SEC31A: variants seen among roughly 807,000 people sequenced by gnomAD.
The protein encoded by SEC31A is protein transport protein Sec31A.
SEC31A carries 70 observed loss-of-function variants against 151.0 expected under a neutral mutation model. The observed-to-expected ratio is 0.46, with a 90% CI of 0.38 to 0.57. The LOEUF (loss-of-function observed/expected upper bound fraction) is 0.57. SEC31A is among the 20% of genes least tolerant of loss of function. SEC31A has a pLI of 0.00. For synonymous variants in SEC31A, 475 were observed against 505.9 expected (o/e 0.94, Z 0.82); for missense variants, 1,330 against 1,471.2 (o/e 0.90, Z 1.57).
intron 17 of SEC31A, among the ~76,000 whole-genome samples, chr4:82,853,994 TGAACAAAAAAACCCTAAAGGC>T (rs1387360087): frequency 6.6e-6 from 1 of 152,156 alleles, no homozygotes; most frequent in Non-Finnish European, 1.5e-5. Flanking sequence ...GAACAACATT[TGAACAAAAAAACCCTAAAGGC>T]ACATTTGGAA....
chr4:82,893,444 C>CA, upstream of SEC31A: 1 of 152,298 alleles, frequency 6.6e-6, no homozygotes, highest in South Asian at 2.1e-4. Context: ...AAGTTGTAGA[C>CA]AAAACAATCA....
At chr4:82,819,328 A>T in intron 26 of SEC31A, 75 bp from the exon 27 acceptor site, 1 of 1,061,924 alleles carries the variant, frequency 9.4e-7, no homozygotes, top group Non-Finnish European at 1.3e-6. Flanking sequence ...TAAACATTAA[A>T]CCCAGATATT....
chr4:82,877,976 G>A (rs1738398249), intron 4 of SEC31A: 2 of 152,062 alleles, frequency 1.3e-5, no homozygotes, highest in South Asian at 2.1e-4. Flanking sequence ...ACAGGTGTGA[G>A]CCACATGCCC....
chr4:82,830,888 T>A, intron 22 of SEC31A: 1 of 827,006 alleles, frequency 1.2e-6, no homozygotes, highest in Non-Finnish European at 1.6e-6. Context: ...TCATTAATTG[T>A]ATTCAATTAT....
At chr4:82,834,816 T>TA (rs1217468278) in intron 22 of SEC31A, among the ~76,000 whole-genome samples, 3 of 152,008 alleles carry the variant, frequency 2.0e-5, no homozygotes, top group African/African-American at 4.8e-5. Context: ...GTGACTTTTT[T>TA]AAAAAAAACT....
chr4:82,893,566 ATTTATTTCACAAATTTG>A (rs1256933571), upstream of SEC31A: 2 of 152,216 alleles, frequency 1.3e-5, no homozygotes, highest in Admixed American at 1.3e-4. Flanking sequence ...TTCTGAATGC[ATTTATTTCACAAATTTG>A]TTTAAGGGCT....
chr4:82,865,374 A>G (rs574236293), intron 10 of SEC31A, among the ~76,000 whole-genome samples: 1 of 152,252 alleles, frequency 6.6e-6, no homozygotes, highest in Admixed American at 6.5e-5. Context: ...GAACCATCCT[A>G]TGATCCAGCA....
rs749520991 is a variant in SEC31A, at chr4:82,872,096, G to C, written c.640-10C>G. On this transcript the variant is annotated splice_polypyrimidine_tract_variant and intron_variant, in intron 6 of 26. Transcript: ENST00000395310. ...ACCCAGAACAATGCATCTGAAGATA[G>C]TTAAGGTTCACATTTTATGAATCAA... 1 of 1,603,408 alleles carries C rather than the reference G, an allele frequency of 6.2e-7. No individual in the cohort carries two copies. The highest frequency in any genetic ancestry group is 2.2e-5 in the East Asian group (1 of 44,804).
rs201566233 is a variant in SEC31A, at chr4:82,888,773, T to C, written c.-5+2315A>G. On this transcript the variant is annotated intron_variant, in intron 1 of 26. Transcript: ENST00000395310. ...TCTTTATTTTTCATGCAACTTTCTC[T>C]CAATAATTGCATTCAATTAGGTGGA... Among the ~76,000 whole-genome samples, 19 of 152,306 alleles carry C rather than the reference T, an allele frequency of 1.2e-4. No individual in the cohort carries two copies. The East Asian group carries it at 2.7e-3, about 22-fold the overall frequency.
At chr4:82,865,983 T>G (rs1364961597) in intron 10 of SEC31A, among the ~76,000 whole-genome samples, 1 of 151,698 alleles carries the variant, frequency 6.6e-6, no homozygotes, top group Non-Finnish European at 1.5e-5. Context: ...AAATTTTATA[T>G]TATGCATTTT....
chr4:82,828,813 G>A (rs1725242919), intron 23 of SEC31A, among the ~76,000 whole-genome samples, 187 bp downstream of exon 23: 1 of 151,296 alleles, frequency 6.6e-6, no homozygotes, highest in African/African-American at 2.4e-5. Flanking sequence ...ACAAGGTTTT[G>A]ATGATACTGT....
intron 4 of SEC31A, chr4:82,877,435 G>A (rs898095188): frequency 6.6e-6 from 1 of 150,644 alleles, no homozygotes; most frequent in Non-Finnish European, 1.5e-5. Flanking sequence ...TTGCAGTGCA[G>A]TGGTGTGATC....
intron 1 of SEC31A, among the ~76,000 whole-genome samples, chr4:82,886,978 G>GA (rs1560673675): frequency 6.6e-6 from 1 of 151,990 alleles, no homozygotes; most frequent in East Asian, 1.9e-4. Flanking sequence ...AGAAAGTTTT[G>GA]ATTTATTTTA....
chr4:82,870,384 A>T lies in SEC31A; in HGVS notation c.823T>A (p.Leu275Met), dbSNP rs1162677598. The change falls in exon 8 of 27, where the codon TTG becomes ATG. Residue 275 changes from leucine to methionine, a missense_variant. Coordinates refer to ENST00000395310, the MANE Select transcript of SEC31A (RefSeq NM_001077207.4). ...AIAWSMADPE[L>M]LLSCGKDAKI... ...GCATCTTTTCCACAGCTCAGTAACA[A>T]TTCAGGATCTGCCATGCTCCAAGCA... 2 of 1,613,918 alleles carry T rather than the reference A, an allele frequency of 1.2e-6. No individual in the cohort carries two copies. Among genetic ancestry groups the T allele is most frequent in the East Asian group, 4.5e-5 (2 of 44,890 alleles).
chr4:82,858,798 G>A (rs900430149), intron 14 of SEC31A, among the ~76,000 whole-genome samples: 3 of 151,510 alleles, frequency 2.0e-5, no homozygotes, highest in Non-Finnish European at 2.9e-5. Context: ...TGCCTCCTGG[G>A]TTCACGCCAT....
At chr4:82,849,072 C>G in intron 19 of SEC31A, 95 bp from the exon 20 acceptor site, 1 of 1,149,422 alleles carries the variant, frequency 8.7e-7, no homozygotes, top group Non-Finnish European at 1.3e-6. Context: ...ATCAAGATAT[C>G]CCTTTTTGTT....
rs758368105 is a variant in SEC31A, at chr4:82,819,271, C to A, written c.3484-18G>T. 1.3e-6 allele frequency: 2 copies of A among 1,531,784 alleles called. No homozygotes were observed. The highest frequency in any genetic ancestry group is 1.8e-6 in the Non-Finnish European group (2 of 1,136,856). The allele number at this position is 1,531,784 out of a possible 1,614,324, so 94.9% of individuals were successfully genotyped here. A position where few individuals can be genotyped will look rare whatever the true frequency, so the allele number is the denominator to read the frequency against. ...GGTGAAAGCTGAAACAAAAGTGAACCAAGAGAAAGAATTAAATTAAGGGAT... is the reference window on the plus strand; with the variant it reads ...GGTGAAAGCTGAAACAAAAGTGAACAAAGAGAAAGAATTAAATTAAGGGAT... On this transcript the variant is annotated intron_variant, in intron 26 of 26. Coordinates refer to ENST00000395310, the MANE Select transcript of SEC31A (RefSeq NM_001077207.4).
At chr4:82,843,642 A>T (rs1018296490) in intron 21 of SEC31A, 1 of 148,568 alleles carries the variant, frequency 6.7e-6, no homozygotes, top group Non-Finnish European at 1.5e-5. Context: ...CACAGAACAC[A>T]TTCATTAAAT....
chr4:82,863,304 T>C lies in SEC31A; in HGVS notation c.1509+14A>G. 6.7e-7 allele frequency: 1 copy of C among 1,498,628 alleles called. No homozygotes were observed. Among genetic ancestry groups the C allele is most frequent in the Non-Finnish European group, 9.1e-7 (1 of 1,094,090 alleles). 92.8% of individuals were successfully genotyped at this position (1,498,628 alleles called of 1,614,324 possible). A position where few individuals can be genotyped will look rare whatever the true frequency, so the allele number is the denominator to read the frequency against. On this transcript the variant is annotated intron_variant, in intron 12 of 26. Transcript: ENST00000395310. ...TCATAAAGAGCATGCCATCTAACTTTCCCAAAAGTTTACCTTCTTTCCTAG... is the reference window on the plus strand; with the variant it reads ...TCATAAAGAGCATGCCATCTAACTTCCCCAAAAGTTTACCTTCTTTCCTAG...
Sources: gnomAD v4.1 joint callset for allele counts (sites outside exome capture counted in the v4.1 genomes callset) on GRCh38, gnomAD v4.1.1 for gene constraint, MANE v1.5 for transcripts, NCBI Gene and HGNC (gene_info 2026-07-23, HGNC 2026-07-21) for gene names.